The following BBX variants were observed in gnomAD, a reference collection of about 807,000 sequenced individuals.
BBX encodes BBX high mobility group box domain containing, also known as HMG box transcription factor BBX.
Under a neutral mutation model 100.2 loss-of-function variants are expected in BBX, and 30 were observed. The observed-to-expected ratio is 0.30, with a 90% confidence interval of 0.22 to 0.41. BBX has a LOEUF of 0.41. Ranked by LOEUF, BBX falls within the 10% of genes least tolerant of loss-of-function variation. The pLI is 1.00. For synonymous variants in BBX, 376 were observed against 388.1 expected, an observed-to-expected ratio of 0.97 and a Z score of 0.37; for missense variants, 1,023 against 1,129.8, an observed-to-expected ratio of 0.91 and a Z score of 1.35.
intron 3 of BBX, among the ~76,000 whole-genome samples, chr3:107,675,331 C>T (rs1038851773): frequency 3.9e-5 from 6 of 152,140 alleles, no homozygotes; most frequent in Middle Eastern, 3.2e-3. Context: ...ATGTTTTGAG[C>T]ACCTGCGGAG....
chr3:107,649,238 A>G (rs759169057), intron 3 of BBX, among the ~76,000 whole-genome samples: 48 of 152,354 alleles, frequency 3.2e-4, no homozygotes, highest in Middle Eastern at 6.8e-3. Context: ...CATGGGGATT[A>G]GTACGATTTA....
intron 2 of BBX, among the ~76,000 whole-genome samples, chr3:107,607,020 A>G (rs1366974521): frequency 2.0e-5 from 3 of 152,102 alleles, no homozygotes; most frequent in Non-Finnish European, 4.4e-5. Context: ...GTGAAAACAT[A>G]TGATGTTTGT....
At chr3:107,567,860 A>G (rs1019200205) in intron 2 of BBX, among the ~76,000 whole-genome samples, 1 of 151,358 alleles carries the variant, frequency 6.6e-6, no homozygotes. Context: ...ATTCCTTTCT[A>G]TTTTGTGGTT....
chr3:107,624,329 CTTG>C (rs2056004743), intron 2 of BBX, among the ~76,000 whole-genome samples: 2 of 151,916 alleles, frequency 1.3e-5, no homozygotes, highest in African/African-American at 4.8e-5. Flanking sequence ...GCTCATCAGC[CTTG>C]TTTTTTTTGT....
At chr3:107,612,258 G>A (rs1245136376) in intron 2 of BBX, among the ~76,000 whole-genome samples, 3 of 152,014 alleles carry the variant, frequency 2.0e-5, no homozygotes, top group Admixed American at 1.3e-4. Context: ...GTTTGATGAT[G>A]TCATGTTTTC....
Position 107,549,402 on chromosome 3 carries a change from G to C in BBX, c.-84+23004G>C, listed in dbSNP as rs150096039. 3.3e-5 allele frequency among the ~76,000 whole-genome samples: 5 copies of C among 152,284 alleles called. No homozygotes were observed. The East Asian group carries it at 9.6e-4, about 29-fold the overall frequency. Reference sequence around the variant, plus strand: ...AAATAAAGCAAGGGAAGGAGAGAGAGGGGAGGTTGCTCTAGAGTGTGGTTT... The same window carrying C: ...AAATAAAGCAAGGGAAGGAGAGAGACGGGAGGTTGCTCTAGAGTGTGGTTT... On this transcript the variant is annotated intron_variant, in intron 2 of 17. Coordinates refer to ENST00000325805, the MANE Select transcript of BBX (RefSeq NM_001142568.3).
At chr3:107,686,190 G>A (rs2059835726) in intron 3 of BBX, among the ~76,000 whole-genome samples, 4 of 152,120 alleles carry the variant, frequency 2.6e-5, no homozygotes, top group Admixed American at 6.6e-5. Context: ...GTGTTTATGT[G>A]CAAAATGTTT....
chr3:107,767,675 A>G (rs894931623), intron 10 of BBX, among the ~76,000 whole-genome samples: 1 of 152,230 alleles, frequency 6.6e-6, no homozygotes, highest in African/African-American at 2.4e-5. Flanking sequence ...CATTCTAATC[A>G]TGTTTGAATC....
intron 3 of BBX, among the ~76,000 whole-genome samples, chr3:107,652,387 T>C (rs2057892002): frequency 9.7e-6 from 1 of 103,258 alleles, no homozygotes; most frequent in Admixed American, 9.3e-5. Flanking sequence ...TACCAGTTTT[T>C]CTGTGTACTT....
chr3:107,744,707 C>A lies in BBX; in HGVS notation c.747C>A (p.Ala249=). 6.2e-7 allele frequency: 1 copy of A among 1,610,932 alleles called. No homozygotes were observed. Among genetic ancestry groups the A allele is most frequent in the South Asian group, 1.1e-5 (1 of 90,974 alleles). Residue 249 remains alanine, a synonymous_variant, in exon 8 of 18, where the codon GCC becomes GCA. Coordinates refer to ENST00000325805, the MANE Select transcript of BBX (RefSeq NM_001142568.3). Reference sequence around the variant, plus strand: ...AGAAGTCACCATTGTTTCAGTTTGCCGAGGTAATATATTACAATTGATACT... The same window carrying A: ...AGAAGTCACCATTGTTTCAGTTTGCAGAGGTAATATATTACAATTGATACT... ...LRQKSPLFQF[A]EISSSTSHSD...
At chr3:107,600,951 G>A (rs1264672612) in intron 2 of BBX, among the ~76,000 whole-genome samples, 6 of 152,156 alleles carry the variant, frequency 3.9e-5, no homozygotes, top group Non-Finnish European at 8.8e-5. Context: ...TCTGCCTCAA[G>A]CAAGTCTATC....
At chr3:107,718,417 A>G (rs1373710571) in intron 5 of BBX, among the ~76,000 whole-genome samples, 2 of 151,328 alleles carry the variant, frequency 1.3e-5, no homozygotes, top group Non-Finnish European at 3.0e-5. Flanking sequence ...AGTAACCTAC[A>G]TGATTTTAAA....
intron 3 of BBX, among the ~76,000 whole-genome samples, chr3:107,652,788 G>A (rs2057916566): frequency 6.6e-6 from 1 of 151,978 alleles, no homozygotes; most frequent in African/African-American, 2.4e-5. Context: ...TTTCTCCTAG[G>A]ATCTTCATAT....
intron 2 of BBX, among the ~76,000 whole-genome samples, chr3:107,576,035 C>G (rs1396985342): frequency 6.6e-6 from 1 of 151,768 alleles, no homozygotes; most frequent in Non-Finnish European, 1.5e-5. Context: ...GACTTTGTCT[C>G]AAAGTAAAGT....
chr3:107,579,736 A>T lies in BBX; in HGVS notation c.-84+53338A>T, dbSNP rs551408096. Among the ~76,000 whole-genome samples the T allele has an allele frequency of 3.0e-4, 45 of 152,324 alleles. No homozygotes were observed. In the Middle Eastern group the frequency reaches 0.014, roughly 46 times the overall value. On this transcript the variant is annotated intron_variant, in intron 2 of 17. Transcript: ENST00000325805. Reference sequence around the variant, plus strand: ...AGGAGTTTAATCCTCACTGTTGGTAATAGTTTGTTCTTCCCCAGTTTGCAT... The same window carrying T: ...AGGAGTTTAATCCTCACTGTTGGTATTAGTTTGTTCTTCCCCAGTTTGCAT...
intron 5 of BBX, among the ~76,000 whole-genome samples, chr3:107,721,195 C>T (rs1205365192): frequency 1.3e-5 from 2 of 152,032 alleles, no homozygotes; most frequent in Admixed American, 1.3e-4. Flanking sequence ...GCATTCAGAA[C>T]ATCTTTTGAC....
At chr3:107,800,776 C>A (rs925993786) in intron 16 of BBX, among the ~76,000 whole-genome samples, 3 of 152,172 alleles carry the variant, frequency 2.0e-5, no homozygotes, top group African/African-American at 7.2e-5. Flanking sequence ...TACAGAAGTC[C>A]CTTGGGTTTT....
chr3:107,742,315 T>C (rs1017031490), intron 7 of BBX, among the ~76,000 whole-genome samples: 1 of 143,176 alleles, frequency 7.0e-6, no homozygotes, highest in Admixed American at 7.0e-5. Flanking sequence ...CTCCTTTTTC[T>C]TTTTTTTTTT....
Position 107,735,508 on chromosome 3 carries a change from A to G in BBX, c.669+2485A>G, listed in dbSNP as rs181529240. ...GACAGAACCCTTATTCTGAAATATTATTCTTAAACAGAGAAGGTTTTCTTT... is the reference window on the plus strand; with the variant it reads ...GACAGAACCCTTATTCTGAAATATTGTTCTTAAACAGAGAAGGTTTTCTTT... On this transcript the variant is annotated intron_variant, in intron 7 of 17. Transcript: ENST00000325805. 8.5e-5 allele frequency among the ~76,000 whole-genome samples: 13 copies of G among 152,214 alleles called. No individual in the cohort carries two copies. In the East Asian group the frequency reaches 2.5e-3, roughly 29 times the overall value.
Sources: allele counts gnomAD v4.1 joint callset (sites outside exome capture counted in the v4.1 genomes callset), GRCh38; gene constraint gnomAD v4.1.1; transcripts MANE v1.5; gene names NCBI Gene and HGNC (gene_info 2026-07-23, HGNC 2026-07-21).